The following HEATR3 variants were observed in gnomAD, a reference collection of about 807,000 sequenced individuals.
HEATR3 encodes the protein HEAT repeat containing 3.
HEATR3 carries 56 observed loss-of-function variants against 72.8 expected under a neutral mutation model. The ratio of observed to expected loss-of-function variants is 0.77; its 90% CI spans 0.62 to 0.96. The LOEUF (loss-of-function observed/expected upper bound fraction) is 0.96, where lower values mean the gene tolerates loss of function less well. HEATR3 is among the 40% of genes least tolerant of loss of function. HEATR3 has a pLI of 0.00. For missense variants in HEATR3, 747 were observed against 831.4 expected (o/e 0.90, Z 1.25); for synonymous variants, 331 against 318.1 (o/e 1.04, Z -0.43).
At chr16:50,068,701 A>G in intron 2 of HEATR3, 79 bp from the exon 3 acceptor site, 2 of 768,174 alleles carry the variant, frequency 2.6e-6, no homozygotes, top group Non-Finnish European at 3.7e-6. Flanking sequence ...AATATGGCTA[A>G]AAATAGAAAT....
intron 11 of HEATR3, among the ~76,000 whole-genome samples, chr16:50,094,187 A>G (rs903253334): frequency 2.6e-5 from 4 of 152,156 alleles, no homozygotes; most frequent in African/African-American, 7.2e-5. Context: ...ACAATAAGAA[A>G]AGTGTGCGAA....
intron 12 of HEATR3, among the ~76,000 whole-genome samples, chr16:50,100,009 G>C (rs190353885): frequency 7.2e-5 from 11 of 152,292 alleles, no homozygotes; most frequent in Non-Finnish European, 7.3e-5. Flanking sequence ...TTTGATATTA[G>C]ATAACAGTGC....
chr16:50,075,461 T>C, intron 5 of HEATR3, 110 bp from the exon 6 acceptor site: 1 of 999,288 alleles, frequency 1.0e-6, no homozygotes, highest in Non-Finnish European at 1.5e-6. Context: ...AAAACCTACA[T>C]GTGTCTAATG....
At chr16:50,101,106 C>CTTTTTTT (rs5816674) in intron 13 of HEATR3, among the ~76,000 whole-genome samples, 4 of 144,338 alleles carry the variant, frequency 2.8e-5, no homozygotes, top group Non-Finnish European at 3.0e-5. Context: ...ACTTGCAAAG[C>CTTTTTTT]TTTTTTTTTT....
intron 10 of HEATR3, among the ~76,000 whole-genome samples, chr16:50,085,122 G>A (rs1436781184): frequency 6.6e-6 from 1 of 151,948 alleles, no homozygotes; most frequent in Non-Finnish European, 1.5e-5. Flanking sequence ...AAAAAAAGAG[G>A]CAAGGAAATG....
At chr16:50,086,426 A>G (rs2036989970) in intron 11 of HEATR3, 75 bp downstream of exon 11, 3 of 1,453,956 alleles carry the variant, frequency 2.1e-6, no homozygotes, top group African/African-American at 1.4e-5. Flanking sequence ...GATTTTGTAA[A>G]TGTATATTGT....
At chr16:50,096,996 C>G (rs895023139) in intron 12 of HEATR3, among the ~76,000 whole-genome samples, 6 of 152,204 alleles carry the variant, frequency 3.9e-5, no homozygotes, top group African/African-American at 1.4e-4. Flanking sequence ...GTTCAGCATT[C>G]CTCTGTCCCC....
chr16:50,085,738 A>G (rs2036972880), intron 10 of HEATR3, among the ~76,000 whole-genome samples: 1 of 152,148 alleles, frequency 6.6e-6, no homozygotes, highest in South Asian at 2.1e-4. Flanking sequence ...TGAATATTCA[A>G]GCAGTTTGAT....
chr16:50,066,384 C>T lies in HEATR3; in HGVS notation c.156C>T (p.Ala52=). Residue 52 remains alanine (A), a synonymous_variant, in exon 2 of 15, where the codon GCC becomes GCT. Coordinates refer to ENST00000299192, the MANE Select transcript of HEATR3 (RefSeq NM_182922.4). The part of the protein sequence containing the change: ...ELLEKLQHPS[A]EVRECACAGL... ...ATCCGCAGCTCCAGCACCCGAGCGCCGAGGTCCGCGAGTGCGCCTGCGCAG... is the reference window on the plus strand; with the variant it reads ...ATCCGCAGCTCCAGCACCCGAGCGCTGAGGTCCGCGAGTGCGCCTGCGCAG... The T allele has an allele frequency of 1.9e-6, 3 of 1,547,338 alleles. No homozygotes were observed. Among genetic ancestry groups the T allele is most frequent in the South Asian group, 2.3e-5 (2 of 85,230 alleles).
At chr16:50,091,461 C>T (rs147931649) in intron 11 of HEATR3, among the ~76,000 whole-genome samples, 8 of 149,666 alleles carry the variant, frequency 5.3e-5, no homozygotes, top group South Asian at 4.2e-4. Context: ...AGTGATACTC[C>T]GTCTAAAAAA....
chr16:50,082,386 T>G (rs1304769351), intron 7 of HEATR3, among the ~76,000 whole-genome samples: 1 of 151,982 alleles, frequency 6.6e-6, no homozygotes, highest in Non-Finnish European at 1.5e-5. Flanking sequence ...TTTCGTATAT[T>G]TTAAGTGAAT....
intron 11 of HEATR3, among the ~76,000 whole-genome samples, chr16:50,092,442 T>TC (rs1555503197): frequency 5.1e-4 from 68 of 132,284 alleles, no homozygotes; most frequent in Middle Eastern, 7.2e-3. Context: ...TTTTCTTTTT[T>TC]TTTTTTTTTT....
chr16:50,070,027 A>G, intron 3 of HEATR3, 151 bp from the exon 4 acceptor site: 2 of 444,358 alleles, frequency 4.5e-6, no homozygotes, highest in Non-Finnish European at 8.2e-6. Context: ...AATACTTTGT[A>G]TTGATTTTGT....
intron 10 of HEATR3, 109 bp downstream of exon 10, chr16:50,084,760 C>T (rs1460904307): frequency 1.3e-6 from 1 of 744,374 alleles, no homozygotes; most frequent in East Asian, 2.6e-5. Flanking sequence ...AGTTTTGTTC[C>T]TGGGTATATA....
Position 50,086,252 on chromosome 16 carries a change from CAG to C in HEATR3, c.1414_1415del (p.Leu473CysfsTer34). ...TCAGTGCAGAGCCCTCTTCTGTCTCCAGAGTCTTGTGTCCCTCCTGGATGTGG... is the reference window on the plus strand; with the variant it reads ...TCAGTGCAGAGCCCTCTTCTGTCTCCAGTCTTGTGTCCCTCCTGGATGTGG... ...TIQCRALFCL[Q>X]SLVSLLDVEH... On this transcript the variant is annotated frameshift_variant, in exon 11 of 15. Transcript: ENST00000299192. LOFTEE classifies it high-confidence loss of function. 1 of 1,581,168 alleles carries C rather than the reference CAG, an allele frequency of 6.3e-7. No individual in the cohort carries two copies. Among genetic ancestry groups the C allele is most frequent in the Non-Finnish European group, 8.6e-7 (1 of 1,162,198 alleles).
chr16:50,087,369 C>A (rs1245880105), intron 11 of HEATR3, among the ~76,000 whole-genome samples: 1 of 152,096 alleles, frequency 6.6e-6, no homozygotes, highest in Non-Finnish European at 1.5e-5. Context: ...ATTAAATATT[C>A]TTTTAAATGA....
At chr16:50,089,533 A>G (rs897271742) in intron 11 of HEATR3, among the ~76,000 whole-genome samples, 2 of 152,186 alleles carry the variant, frequency 1.3e-5, no homozygotes, top group African/African-American at 4.8e-5. Flanking sequence ...ATCACCTAAT[A>G]TTGGCATTCG....
chr16:50,086,077 T>C (rs1458716796), intron 10 of HEATR3, 138 bp from the exon 11 acceptor site: 1 of 763,932 alleles, frequency 1.3e-6, no homozygotes, highest in East Asian at 2.8e-5. Flanking sequence ...CACCTTGTGA[T>C]TCTTTGCTAA....
intron 12 of HEATR3, among the ~76,000 whole-genome samples, chr16:50,095,493 T>A (rs972534607): frequency 6.7e-6 from 1 of 150,118 alleles, no homozygotes; most frequent in African/African-American, 2.4e-5. Context: ...GTGCACTTCA[T>A]CTCCCATAGG....
Sources: allele counts gnomAD v4.1 joint callset (sites outside exome capture counted in the v4.1 genomes callset), GRCh38; gene constraint gnomAD v4.1.1; transcripts MANE v1.5; gene names NCBI Gene and HGNC (gene_info 2026-07-23, HGNC 2026-07-21).